Variants in CMIP observed in about 807,000 individuals in gnomAD.
The protein encoded by CMIP is C-Maf-inducing protein.
A neutral mutation model predicts 97.3 loss-of-function variants in CMIP; 13 were observed. The observed-to-expected ratio is 0.13, with a 90% CI of 0.09 to 0.21. The LOEUF (loss-of-function observed/expected upper bound fraction) is 0.21. Among genes scored for constraint, CMIP ranks in the 10% least tolerant of loss-of-function variants. The pLI, the probability that CMIP is intolerant of heterozygous loss-of-function variation, is 1.00. For missense variants in CMIP, 847 were observed against 1,024.9 expected (o/e 0.83, Z 2.37); for synonymous variants, 538 against 436.3 (o/e 1.23, Z -2.91).
intron 1 of CMIP, among the ~76,000 whole-genome samples, chr16:81,529,505 C>T (rs1426617636): frequency 2.0e-5 from 3 of 152,148 alleles, no homozygotes; most frequent in Non-Finnish European, 2.9e-5. Flanking sequence ...TGGACAGACT[C>T]ATGGGCCCTC....
At chr16:81,493,752 C>T (rs568172683) in intron 1 of CMIP, among the ~76,000 whole-genome samples, 15 of 152,330 alleles carry the variant, frequency 9.8e-5, no homozygotes, top group South Asian at 2.1e-4. Context: ...GCAACACGCA[C>T]GTCGCAGAAC....
intron 10 of CMIP, among the ~76,000 whole-genome samples, chr16:81,690,169 T>G (rs913255858): frequency 6.6e-6 from 1 of 152,194 alleles, no homozygotes; most frequent in Non-Finnish European, 1.5e-5. Context: ...AACTTTAAAG[T>G]AGTTTTTTCC....
intron 1 of CMIP, among the ~76,000 whole-genome samples, chr16:81,449,561 C>T (rs539768294): frequency 3.3e-5 from 5 of 152,298 alleles, no homozygotes; most frequent in Admixed American, 1.3e-4. Context: ...CCCACATGCA[C>T]GCATGTTAAT....
At chr16:81,645,684 C>T in intron 3 of CMIP, 4 of 1,450,608 alleles carry the variant, frequency 2.8e-6, no homozygotes, top group Admixed American at 2.0e-5. Flanking sequence ...GAGGCTCTGC[C>T]TGCTGTCTCT....
chr16:81,447,062 C>T lies in CMIP; in HGVS notation c.300+1521C>T, dbSNP rs549245334. On this transcript the variant is annotated intron_variant, in intron 1 of 20. Coordinates refer to ENST00000537098, the MANE Select transcript of CMIP (RefSeq NM_198390.3). The stretch of plus-strand genomic sequence containing the variant: ...CTCAAGCCCGTCCCGCGCCACAGGC[C>T]GCAGCATTTGGCTTTCCAATGGATG... Among the ~76,000 whole-genome samples, 7 of 152,270 alleles carry T rather than the reference C, an allele frequency of 4.6e-5. No homozygotes were observed. In the South Asian group the frequency reaches 1.0e-3, roughly 23 times the overall value.
At chr16:81,474,090 C>G (rs1372066931) in intron 1 of CMIP, among the ~76,000 whole-genome samples, 1 of 152,192 alleles carries the variant, frequency 6.6e-6, no homozygotes. Flanking sequence ...CCTGGCTGTG[C>G]CCATGTTCCT....
chr16:81,601,342 G>C (rs2091653921), intron 1 of CMIP, among the ~76,000 whole-genome samples: 1 of 152,142 alleles, frequency 6.6e-6, no homozygotes, highest in African/African-American at 2.4e-5. Context: ...GAGGGAGCTG[G>C]CTCACCACAA....
At chr16:81,501,353 C>G (rs994849919) in intron 1 of CMIP, among the ~76,000 whole-genome samples, 2 of 152,254 alleles carry the variant, frequency 1.3e-5, no homozygotes, top group Non-Finnish European at 1.5e-5. Flanking sequence ...GCCACACAGC[C>G]TCAGGGGACC....
At chr16:81,694,417 A>G (rs964117607) in intron 13 of CMIP, among the ~76,000 whole-genome samples, 1 of 152,194 alleles carries the variant, frequency 6.6e-6, no homozygotes, top group African/African-American at 2.4e-5. Context: ...AGAAGGTGGT[A>G]CTGAACTGGC....
At chr16:81,487,170 G>A (rs200452149) in intron 1 of CMIP, among the ~76,000 whole-genome samples, 1 of 151,878 alleles carries the variant, frequency 6.6e-6, no homozygotes, top group African/African-American at 2.4e-5. Flanking sequence ...AGTGAACCGG[G>A]GGGGGTGTGG....
At position 81,517,085 on chromosome 16, in the gene CMIP, G is replaced by C. The variant is rs191164219; in HGVS notation, c.300+71544G>C. Among the ~76,000 whole-genome samples the C allele has an allele frequency of 4.0e-5, 6 of 151,728 alleles. No individual in the cohort carries two copies. In the East Asian group the frequency reaches 1.2e-3, roughly 29 times the overall value. On this transcript the variant is annotated intron_variant, in intron 1 of 20. Transcript: ENST00000537098. ...ACTGAAAAGCCAGACAGCCTTCAAG[G>C]TCATCAGTGGAAAACCAGACGGCCT...
At position 81,655,980 on chromosome 16, in the gene CMIP, TC is replaced by T. The variant is rs2151012627; in HGVS notation, c.640-1791del. On this transcript the variant is annotated intron_variant, in intron 4 of 20. Transcript: ENST00000537098. The surrounding 1 kb of genome is among the most constrained non-coding windows in gnomAD (Gnocchi z 4.9). ...TAAGGAGAGACCAAGGCCAGGCTTC[TC>T]CCCGAAGCTGAAAAATGACTGATAG... Among the ~76,000 whole-genome samples the T allele has an allele frequency of 6.6e-6, 1 of 152,200 alleles. No homozygotes were observed. Among genetic ancestry groups the T allele is most frequent in the Non-Finnish European group, 1.5e-5 (1 of 68,004 alleles).
intron 3 of CMIP, among the ~76,000 whole-genome samples, chr16:81,636,553 C>A (rs1443798802): frequency 6.7e-6 from 1 of 148,822 alleles, no homozygotes; most frequent in Non-Finnish European, 1.5e-5. Context: ...TGCATTCCAG[C>A]CTGGGTTACA....
chr16:81,524,913 C>A (rs1169979623), intron 1 of CMIP, among the ~76,000 whole-genome samples: 1 of 151,742 alleles, frequency 6.6e-6, no homozygotes, highest in Non-Finnish European at 1.5e-5. Flanking sequence ...CCTGCCTCAG[C>A]CTCCTCTTAG....
chr16:81,696,550 T>C lies in CMIP; in HGVS notation c.1531-10T>C. On this transcript the variant is annotated splice_polypyrimidine_tract_variant and intron_variant, in intron 13 of 20. Transcript: ENST00000537098. ...TGCAGCTCACACTTGTGTCTTCCCT[T>C]GTCTGGCAGGTCCACTCATGCCTGC... 6.2e-7 allele frequency: 1 copy of C among 1,602,100 alleles called. No homozygotes were observed. The highest frequency in any genetic ancestry group is 8.5e-7 in the Non-Finnish European group (1 of 1,179,222).
At chr16:81,551,975 G>T (rs1241879023) in intron 1 of CMIP, among the ~76,000 whole-genome samples, 1 of 152,240 alleles carries the variant, frequency 6.6e-6, no homozygotes. Flanking sequence ...AGTGTGCAGG[G>T]GGGCCCTGGC....
intron 1 of CMIP, among the ~76,000 whole-genome samples, chr16:81,545,046 G>T (rs1033369365): frequency 6.6e-6 from 1 of 152,060 alleles, no homozygotes; most frequent in Admixed American, 6.5e-5. Flanking sequence ...ACCTTTTGCT[G>T]TTGCCCAAAA....
chr16:81,462,225 C>T (rs893898331), intron 1 of CMIP, among the ~76,000 whole-genome samples: 37 of 152,156 alleles, frequency 2.4e-4, no homozygotes, highest in Non-Finnish European at 1.0e-4. Flanking sequence ...CAGACTATTC[C>T]CTGCTGAATG....
intron 1 of CMIP, among the ~76,000 whole-genome samples, chr16:81,577,212 C>G (rs921725266): frequency 2.8e-5 from 4 of 144,436 alleles, no homozygotes; most frequent in Admixed American, 6.8e-5. Flanking sequence ...ATAACCATCA[C>G]CTTTATCACC....
Sources: allele counts gnomAD v4.1 joint callset (sites outside exome capture counted in the v4.1 genomes callset), GRCh38; gene constraint gnomAD v4.1.1; non-coding constraint Gnocchi (gnomAD v3.1); transcripts MANE v1.5; gene names NCBI Gene and HGNC (gene_info 2026-07-23, HGNC 2026-07-21).